PTPN14: variants seen among roughly 807,000 people sequenced by gnomAD.
The protein encoded by PTPN14 is protein tyrosine phosphatase non-receptor type 14, also known as tyrosine-protein phosphatase non-receptor type 14.
A neutral mutation model predicts 126.8 loss-of-function variants in PTPN14; 53 were observed. The ratio of observed to expected loss-of-function variants is 0.42; its 90% CI spans 0.34 to 0.53. PTPN14 has a LOEUF of 0.53. Among genes scored for constraint, PTPN14 ranks in the 20% least tolerant of loss-of-function variants. PTPN14 has a pLI of 0.08. For synonymous variants in PTPN14, 630 were observed against 599.3 expected, an observed-to-expected ratio of 1.05 and a Z score of -0.75; for missense variants, 1,257 against 1,552.9, an observed-to-expected ratio of 0.81 and a Z score of 3.20.
chr1:214,376,579 A>G (rs1056920260), intron 14 of PTPN14, 142 bp from the exon 15 acceptor site: 1 of 707,204 alleles, frequency 1.4e-6, no homozygotes, highest in African/African-American at 1.8e-5. Flanking sequence ...TCTCATTATC[A>G]ACCATATTGA....
At chr1:214,470,427 T>C (rs1660727844) in intron 1 of PTPN14, among the ~76,000 whole-genome samples, 1 of 152,172 alleles carries the variant, frequency 6.6e-6, no homozygotes, top group African/African-American at 2.4e-5. Context: ...CCTGGGACAC[T>C]ATTGGGGTAA....
rs757922379 is a variant in PTPN14 at position 214,384,666 on chromosome 1, G to A, written c.1189C>T (p.Leu397Phe). ...TGGATGAAACTTTGCGAGCAGTTGA[G>A]GGAGTTGACGCTGTGAACGCTACAC... is the stretch of plus-strand genomic sequence containing the variant. ...SVCSVHSVNS[L>F]NCSQSFIQAS... The change falls in exon 13 of 19, where the codon CTC becomes TTC. Residue 397 changes from leucine to phenylalanine, a missense_variant. Transcript: ENST00000366956. The surrounding 1 kb of genome is among the most constrained non-coding windows in gnomAD (Gnocchi z 5.3). 13 of 1,614,032 alleles carry A rather than the reference G, an allele frequency of 8.1e-6. No homozygotes were observed. The highest frequency in any genetic ancestry group is 2.7e-5 in the African/African-American group (2 of 74,890).
chr1:214,350,499 C>G lies in PTPN14; in HGVS notation c.*7423G>C, dbSNP rs1657681721. 1 of 146,148 alleles carries G rather than the reference C, an allele frequency of 6.8e-6. No individual in the cohort carries two copies. Among genetic ancestry groups the G allele is most frequent in the Non-Finnish European group, 1.5e-5 (1 of 66,740 alleles). 9.1% of individuals were successfully genotyped at this position (146,148 alleles called of 1,614,324 possible). ...GCTTCCTGCTTGCTGAGTTTTCTAGCTATTTTCATTCTGGTTATTTTCATC... is the reference window on the plus strand; with the variant it reads ...GCTTCCTGCTTGCTGAGTTTTCTAGGTATTTTCATTCTGGTTATTTTCATC... On this transcript the variant is annotated 3_prime_UTR_variant, in exon 19 of 19. Transcript: ENST00000366956.
intron 1 of PTPN14, among the ~76,000 whole-genome samples, chr1:214,475,354 T>G (rs1370989450): frequency 1.3e-5 from 2 of 152,180 alleles, no homozygotes; most frequent in Non-Finnish European, 2.9e-5. Context: ...GAAAAATTCT[T>G]TCTGTAAGTA....
chr1:214,514,866 G>T (rs1655061550), intron 1 of PTPN14, among the ~76,000 whole-genome samples: 1 of 152,142 alleles, frequency 6.6e-6, no homozygotes. Flanking sequence ...GAATCTGAGA[G>T]CCCCTAAACC....
chr1:214,382,231 AT>A (rs1658490377), intron 13 of PTPN14, among the ~76,000 whole-genome samples: 1 of 152,052 alleles, frequency 6.6e-6, no homozygotes, highest in Non-Finnish European at 1.5e-5. Context: ...TAATCCAAAC[AT>A]TTTCTCATTA....
rs554102345 is a variant in PTPN14 at position 214,393,670 on chromosome 1, C to T, written c.929+25G>A. ...ATTTAATCTGACAAAGCCATCAAGT[C>T]GGGGGGGATTAAATGTTTACTTACT... On this transcript the variant is annotated intron_variant, in intron 10 of 18. Transcript: ENST00000366956. The T allele has an allele frequency of 4.2e-5, 63 of 1,516,732 alleles. No homozygotes were observed. The Admixed American group carries it at 1.0e-3, about 24-fold the overall frequency. The allele number at this position is 1,516,732 out of a possible 1,614,324, so 94.0% of individuals were successfully genotyped here.
At chr1:214,394,813 G>A in intron 9 of PTPN14, 86 bp downstream of exon 9, 2 of 1,150,904 alleles carry the variant, frequency 1.7e-6, no homozygotes. Flanking sequence ...TCTCAAGATA[G>A]GGAGAGCAAG....
Position 214,383,778 on chromosome 1 carries a change from G to C in PTPN14, c.2077C>G (p.His693Asp). Residue 693 changes from histidine to aspartate, a missense_variant, in exon 13 of 19, where the codon CAC becomes GAC. Coordinates refer to ENST00000366956, the MANE Select transcript of PTPN14 (RefSeq NM_005401.5). This position sits in a 1 kb window ranked among gnomAD's most constrained non-coding sequence, Gnocchi z 4.4. Reference protein sequence around the residue: ...SHEVPQLPQYHHKKTFSDATM... With the variant: ...SHEVPQLPQYDHKKTFSDATM... ...GCATCAGAGAAGGTCTTCTTGTGGT[G>C]ATACTGAGGGAGCTGGGGGACCTCG... 6.2e-7 allele frequency: 1 copy of C among 1,613,168 alleles called. No individual in the cohort carries two copies. Among genetic ancestry groups the C allele is most frequent in the Non-Finnish European group, 8.5e-7 (1 of 1,180,026 alleles).
intron 5 of PTPN14, among the ~76,000 whole-genome samples, chr1:214,409,605 T>C (rs1437055333): frequency 1.3e-5 from 2 of 152,298 alleles, no homozygotes; most frequent in East Asian, 3.9e-4. Context: ...CTGGATTATA[T>C]GGTAGTTCTA....
chr1:214,384,006 C>A lies in PTPN14; in HGVS notation c.1849G>T (p.Val617Phe). 6.2e-7 allele frequency: 1 copy of A among 1,607,248 alleles called. No individual in the cohort carries two copies. Among genetic ancestry groups the A allele is most frequent in the Non-Finnish European group, 8.5e-7 (1 of 1,179,328 alleles). Residue 617 changes from valine (V) to phenylalanine (F), a missense_variant, in exon 13 of 19, where the codon GTT becomes TTT. Physicochemically the swap from Val to Phe is conservative, Grantham distance 50 (BLOSUM62 -1). Coordinates refer to ENST00000366956, the MANE Select transcript of PTPN14 (RefSeq NM_005401.5). The surrounding 1 kb of genome is among the most constrained non-coding windows in gnomAD (Gnocchi z 5.3). ...CTCACCTCCTGGAGAGACTGATGAA[C>A]CACCGGAGAGCTGTCCTCTTGGAAG... The part of the protein sequence containing the change: ...KTFQEDSSPV[V>F]HQSLQEVSEP...
intron 9 of PTPN14, among the ~76,000 whole-genome samples, chr1:214,394,508 A>G (rs1658832400): frequency 6.6e-6 from 1 of 152,150 alleles, no homozygotes; most frequent in African/African-American, 2.4e-5. Context: ...CCTGGGTTCA[A>G]GCAATTCTCC....
At chr1:214,430,817 G>C (rs1659781099) in intron 3 of PTPN14, among the ~76,000 whole-genome samples, 1 of 152,182 alleles carries the variant, frequency 6.6e-6, no homozygotes, top group African/African-American at 2.4e-5. Flanking sequence ...GGTACCTTCA[G>C]CTGGCATCCA....
At chr1:214,509,350 C>G (rs750032809) in intron 1 of PTPN14, among the ~76,000 whole-genome samples, 1 of 152,180 alleles carries the variant, frequency 6.6e-6, no homozygotes, top group Non-Finnish European at 1.5e-5. Context: ...AGCTTCTTTC[C>G]TTAAACTTCA....
intron 2 of PTPN14, among the ~76,000 whole-genome samples, chr1:214,456,674 C>CA: frequency 6.6e-6 from 1 of 152,250 alleles, no homozygotes; most frequent in South Asian, 2.1e-4. Flanking sequence ...TGAGACTGTA[C>CA]GACTCACCTA....
At position 214,364,645 on chromosome 1, in the gene PTPN14, C is replaced by T. The variant is rs2102510280; in HGVS notation, c.3302G>A (p.Arg1101His). ...GCCTTCCAGCATGCTGTTGGTATGG[C>T]GACGGACCGACTGGATCTCCTCCAA... ...SYLEEIQSVRRHTNSMLEGTK... is the reference protein window; with the variant it reads ...SYLEEIQSVRHHTNSMLEGTK... The change falls in exon 18 of 19, where the codon CGC (arginine) becomes CAC (histidine). Residue 1101 changes from arginine (R) to histidine (H), a missense_variant. Around this residue, in one of 3 missense-constraint regions of PTPN14, gnomAD observed 171 missense variants for 229.8 expected, o/e 0.74. Transcript: ENST00000366956. This position sits in a 1 kb window ranked among gnomAD's most constrained non-coding sequence, Gnocchi z 4.1. The T allele has an allele frequency of 6.2e-7, 1 of 1,613,748 alleles. No individual in the cohort carries two copies. The highest frequency in any genetic ancestry group is 8.5e-7 in the Non-Finnish European group (1 of 1,179,958).
At chr1:214,379,567 A>G (rs1658424819) in intron 13 of PTPN14, among the ~76,000 whole-genome samples, 1 of 152,192 alleles carries the variant, frequency 6.6e-6, no homozygotes, top group African/African-American at 2.4e-5. Flanking sequence ...TTGGGCCCCA[A>G]ATCACTAAGC....
intron 1 of PTPN14, chr1:214,530,364 G>C (rs1467467427): frequency 6.9e-6 from 1 of 145,464 alleles, no homozygotes. Flanking sequence ...TTTGAGACAG[G>C]GTCTCCTTCG....
chr1:214,433,731 T>C (rs1206332623), intron 3 of PTPN14, among the ~76,000 whole-genome samples: 2 of 152,032 alleles, frequency 1.3e-5, no homozygotes, highest in African/African-American at 4.8e-5. Flanking sequence ...GACTGTCTTC[T>C]GTCAGCAAGA....
Sources: gnomAD v4.1 joint callset for allele counts (sites outside exome capture counted in the v4.1 genomes callset) on GRCh38, gnomAD v4.1.1 for gene constraint, gnomAD v4.1.1 regional missense constraint, Gnocchi (gnomAD v3.1) non-coding constraint, MANE v1.5 for transcripts, NCBI Gene and HGNC (gene_info 2026-07-23, HGNC 2026-07-21) for gene names.